The following PDIA5 variants were observed in gnomAD, a reference collection of about 807,000 sequenced individuals.
PDIA5 encodes the protein protein disulfide-isomerase A5.
Under a neutral mutation model 77.6 loss-of-function variants are expected in PDIA5, and 58 were observed. That is an observed-to-expected ratio of 0.75 (90% confidence interval 0.61 to 0.93). PDIA5 has a LOEUF of 0.93. PDIA5 is among the 40% of genes least tolerant of loss of function. The probability of loss-of-function intolerance (pLI) is 0.00; values close to 1 mark genes in which losing one functional copy is unlikely to be tolerated. For synonymous variants in PDIA5, 250 were observed against 252.1 expected (o/e 0.99, Z 0.08); for missense variants, 630 against 647.7 (o/e 0.97, Z 0.30).
intron 6 of PDIA5, among the ~76,000 whole-genome samples, chr3:123,109,262 A>C (rs1462258078): frequency 1.3e-5 from 2 of 152,326 alleles, no homozygotes; most frequent in South Asian, 4.1e-4. Context: ...TTGCTGATTC[A>C]ATTTGTAGGC....
In PDIA5 at chr3:123,102,736, C is replaced by G. The variant is rs765264795; in HGVS notation, c.342-15C>G. ...CCATTCTTAAAGTTAACACATTTTT[C>G]TCCTCATTTGACAGGGATGGTGCAT... On this transcript the variant is annotated splice_polypyrimidine_tract_variant and intron_variant, in intron 4 of 16. Transcript: ENST00000316218. 3.8e-6 allele frequency: 6 copies of G among 1,599,322 alleles called. No homozygotes were observed. In the African/African-American group the frequency reaches 8.0e-5, roughly 21 times the overall value.
intron 11 of PDIA5, among the ~76,000 whole-genome samples, chr3:123,144,352 A>C (rs1935710094): frequency 6.6e-6 from 1 of 152,084 alleles, no homozygotes; most frequent in Non-Finnish European, 1.5e-5. Flanking sequence ...GATCCTAGTT[A>C]ATGCATGGTC....
At chr3:123,092,827 T>G (rs567772642) in intron 3 of PDIA5, among the ~76,000 whole-genome samples, 1 of 152,048 alleles carries the variant, frequency 6.6e-6, no homozygotes, top group African/African-American at 2.4e-5. Flanking sequence ...CTGTGGTGGG[T>G]CTGCAGCAAG....
rs954318438 is a variant in PDIA5, at chr3:123,147,864, A to G, written c.1142+1605A>G. 4.3e-4 allele frequency among the ~76,000 whole-genome samples: 65 copies of G among 151,888 alleles called. 1 individual carries two copies. Among genetic ancestry groups the G allele is most frequent in the African/African-American group, 1.5e-3 (63 of 41,334 alleles). ...TGGAAAGGACTGGGTGGGGCGGGGG[A>G]TCTGGCCAGGTCCCTGTGATGCTTG... On this transcript the variant is annotated intron_variant, in intron 13 of 16. Transcript: ENST00000316218.
chr3:123,087,284 A>G (rs1433581813), intron 1 of PDIA5, among the ~76,000 whole-genome samples: 1 of 152,018 alleles, frequency 6.6e-6, no homozygotes, highest in Non-Finnish European at 1.5e-5. Flanking sequence ...AAGTAGTTGG[A>G]ACTGCAGGCA....
intron 1 of PDIA5, among the ~76,000 whole-genome samples, chr3:123,069,564 G>T (rs987831126): frequency 1.3e-5 from 2 of 152,112 alleles, no homozygotes; most frequent in Non-Finnish European, 2.9e-5. Context: ...GTGCCAGCAT[G>T]GTTGAATTCT....
chr3:123,090,889 A>G (rs1197343823), intron 2 of PDIA5, among the ~76,000 whole-genome samples: 2 of 152,034 alleles, frequency 1.3e-5, no homozygotes, highest in African/African-American at 4.8e-5. Flanking sequence ...CAATTATTTT[A>G]ACTTCCTGCC....
chr3:123,156,447 C>T (rs1307924214), intron 15 of PDIA5, among the ~76,000 whole-genome samples: 3 of 152,226 alleles, frequency 2.0e-5, no homozygotes, highest in South Asian at 2.1e-4. Context: ...GCTTCCTTCC[C>T]GTGTCCATGT....
At chr3:123,146,577 G>A (rs1336617967) in intron 13 of PDIA5, among the ~76,000 whole-genome samples, 1 of 152,122 alleles carries the variant, frequency 6.6e-6, no homozygotes, top group African/African-American at 2.4e-5. Flanking sequence ...ATAAATGAAG[G>A]AGACACAGCT....
intron 1 of PDIA5, among the ~76,000 whole-genome samples, chr3:123,085,818 T>G (rs546120863): frequency 6.6e-6 from 1 of 152,352 alleles, no homozygotes; most frequent in East Asian, 1.9e-4. Flanking sequence ...TCAGATTATC[T>G]GAGGATTAAA....
At chr3:123,151,741 TGCCTG>T (rs1220803569) in intron 14 of PDIA5, among the ~76,000 whole-genome samples, 83 of 83,516 alleles carry the variant, frequency 9.9e-4, no homozygotes, top group Admixed American at 2.5e-3. Flanking sequence ...CCTTCCTGCC[TGCCTG>T]CCTGCCTGCC....
At chr3:123,139,371 C>T (rs1326489400) in intron 11 of PDIA5, among the ~76,000 whole-genome samples, 2 of 152,190 alleles carry the variant, frequency 1.3e-5, no homozygotes, top group South Asian at 4.1e-4. Flanking sequence ...GAGGTGTTTT[C>T]TCAGCCAGAC....
At chr3:123,067,745 G>T (rs1039236748) in intron 1 of PDIA5, among the ~76,000 whole-genome samples, 3 of 152,214 alleles carry the variant, frequency 2.0e-5, no homozygotes, top group African/African-American at 7.2e-5. Context: ...GACGTAGCCC[G>T]CCCCGGCGGA....
intron 10 of PDIA5, among the ~76,000 whole-genome samples, chr3:123,125,148 C>G (rs1935213224): frequency 6.6e-6 from 1 of 152,226 alleles, no homozygotes; most frequent in South Asian, 2.1e-4. Flanking sequence ...GCCACCCTCG[C>G]TGAGCACGCA....
chr3:123,104,552 C>T (rs749947009), intron 5 of PDIA5, among the ~76,000 whole-genome samples: 9 of 152,228 alleles, frequency 5.9e-5, no homozygotes, highest in Non-Finnish European at 1.0e-4. Flanking sequence ...TGGTCACAGA[C>T]GCTGTGCCAC....
intron 3 of PDIA5, among the ~76,000 whole-genome samples, chr3:123,097,992 C>T (rs1934484801): frequency 6.6e-6 from 1 of 152,306 alleles, no homozygotes; most frequent in Middle Eastern, 3.4e-3. Context: ...ACATGAGAAC[C>T]CCAACTGTGG....
At position 123,067,131 on chromosome 3, in the gene PDIA5, G is replaced by C. The variant is rs1190632607; in HGVS notation, c.-34G>C. ...GCGGGCGGGAGCGGGCGCCGGAGTG[G>C]AGAAAGGAGCCAGCGGTGGGCAGCG... is the stretch of plus-strand genomic sequence containing the variant. On this transcript the variant is annotated 5_prime_UTR_variant, in exon 1 of 17. Coordinates refer to ENST00000316218, the MANE Select transcript of PDIA5 (RefSeq NM_006810.4). 3 of 1,242,886 alleles carry C rather than the reference G, an allele frequency of 2.4e-6. No homozygotes were observed. Among genetic ancestry groups the C allele is most frequent in the Admixed American group, 4.2e-5 (1 of 23,718 alleles). The allele number at this position is 1,242,886 out of a possible 1,614,324, so 77.0% of individuals were successfully genotyped here.
chr3:123,067,171 C>G lies in PDIA5; in HGVS notation c.7C>G (p.Arg3Gly). The G allele has an allele frequency of 8.0e-7, 1 of 1,246,142 alleles. No homozygotes were observed. Among genetic ancestry groups the G allele is most frequent in the Non-Finnish European group, 1.0e-6 (1 of 990,232 alleles). 77.2% of individuals were successfully genotyped at this position (1,246,142 alleles called of 1,614,324 possible). The change falls in exon 1 of 17, where the codon CGG (arginine) becomes GGG (glycine). Residue 3 changes from arginine to glycine, a missense_variant. Transcript: ENST00000316218. The part of the protein sequence containing the change: MA[R>G]AGPAWLLLAI... ...GGTGGGCAGCGCTGCTGGGATGGCG[C>G]GGGCCGGGCCGGCGTGGCTGCTGCT...
chr3:123,141,899 C>T (rs763826736), intron 11 of PDIA5, among the ~76,000 whole-genome samples: 12 of 152,298 alleles, frequency 7.9e-5, no homozygotes, highest in South Asian at 4.2e-4. Context: ...CGTGTTCTTC[C>T]GCTTTGCCTC....
Sources: allele counts gnomAD v4.1 joint callset (sites outside exome capture counted in the v4.1 genomes callset), GRCh38; gene constraint gnomAD v4.1.1; transcripts MANE v1.5; gene names NCBI Gene and HGNC (gene_info 2026-07-23, HGNC 2026-07-21).